The following DCK variants were observed in gnomAD, a reference collection of about 807,000 sequenced individuals.
The protein encoded by DCK is deoxyadenosine kinase.
In DCK, 23 loss-of-function variants were observed where a neutral mutation model predicts 38.3. That is an observed-to-expected ratio of 0.60 (90% CI 0.43 to 0.85). The LOEUF is 0.85. DCK is among the 40% of genes least tolerant of loss of function. The pLI is 0.00. For missense variants in DCK, 259 were observed against 304.4 expected (o/e 0.85, Z 1.11); for synonymous variants, 108 against 100.6 (o/e 1.07, Z -0.44).
intron 1 of DCK, 23 bp from the exon 2 acceptor site, chr4:70,998,044 A>T (rs780459022): frequency 7.7e-7 from 1 of 1,295,194 alleles, no homozygotes; most frequent in Non-Finnish European, 1.1e-6. Context: ...TTTCTTCCTC[A>T]ATTTTATCTT....
chr4:71,015,776 T>C (rs1244360621), intron 2 of DCK, among the ~76,000 whole-genome samples: 6 of 152,210 alleles, frequency 3.9e-5, no homozygotes, highest in Non-Finnish European at 7.3e-5. Flanking sequence ...ATTGGTGGGA[T>C]GTATCTCAAA....
chr4:71,018,129 T>TTC (rs1553943362), intron 2 of DCK, among the ~76,000 whole-genome samples: 1 of 146,678 alleles, frequency 6.8e-6, no homozygotes, highest in African/African-American at 2.5e-5. Context: ...ATTATTTCTT[T>TTC]TTTTTTTTTT....
chr4:71,000,498 A>T (rs976180637), intron 2 of DCK, among the ~76,000 whole-genome samples: 1 of 152,194 alleles, frequency 6.6e-6, no homozygotes, highest in African/African-American at 2.4e-5. Flanking sequence ...TGTCTTGGCT[A>T]TACGGGCTCT....
At chr4:71,012,017 T>C (rs1032908437) in intron 2 of DCK, among the ~76,000 whole-genome samples, 2 of 152,250 alleles carry the variant, frequency 1.3e-5, no homozygotes, top group Non-Finnish European at 2.9e-5. Flanking sequence ...AATACCTGTT[T>C]ACTGTTTGAA....
At chr4:70,997,274 T>C (rs1739680775) in intron 1 of DCK, among the ~76,000 whole-genome samples, 1 of 152,184 alleles carries the variant, frequency 6.6e-6, no homozygotes, top group South Asian at 2.1e-4. Context: ...GTTCTTTCTA[T>C]ATGCTTTCAC....
At chr4:71,012,677 A>T (rs1303497503) in intron 2 of DCK, among the ~76,000 whole-genome samples, 2 of 152,246 alleles carry the variant, frequency 1.3e-5, no homozygotes, top group African/African-American at 4.8e-5. Flanking sequence ...GACCTCCAGC[A>T]AACTCCAACA....
chr4:71,028,598 A>G (rs1311409637), intron 6 of DCK: 6 of 324,194 alleles, frequency 1.9e-5, no homozygotes, highest in African/African-American at 1.0e-4. Flanking sequence ...GTATTTAACA[A>G]TATTTCTTTT....
chr4:70,998,417 CA>C (rs546057456), intron 2 of DCK, among the ~76,000 whole-genome samples: 5 of 151,520 alleles, frequency 3.3e-5, no homozygotes, highest in South Asian at 2.1e-4. Context: ...AGAAATAATA[CA>C]AAAAAATACA....
chr4:71,026,517 G>C (rs1249623006), intron 5 of DCK, 148 bp from the exon 6 acceptor site: 3 of 609,368 alleles, frequency 4.9e-6, no homozygotes, highest in Non-Finnish European at 8.8e-6. Flanking sequence ...AGAAAGAAGG[G>C]GCTGCCAGAT....
At chr4:70,998,740 A>T (rs1478980723) in intron 2 of DCK, among the ~76,000 whole-genome samples, 2 of 152,110 alleles carry the variant, frequency 1.3e-5, no homozygotes, top group Admixed American at 1.3e-4. Context: ...CCTCGTTAAC[A>T]TGGTGAAATG....
At chr4:71,001,700 G>A (rs1343593791) in intron 2 of DCK, among the ~76,000 whole-genome samples, 1 of 152,010 alleles carries the variant, frequency 6.6e-6, no homozygotes, top group African/African-American at 2.4e-5. Context: ...AGTTCTTCCT[G>A]GTTTAATCTT....
chr4:71,004,955 C>G (rs1290047054), intron 2 of DCK, among the ~76,000 whole-genome samples: 1 of 149,508 alleles, frequency 6.7e-6, no homozygotes, highest in Non-Finnish European at 1.5e-5. Flanking sequence ...GCCCCCTTGG[C>G]TCCCTGGCTT....
At chr4:71,028,303 C>A (rs1740589235) in intron 6 of DCK, among the ~76,000 whole-genome samples, 1 of 152,138 alleles carries the variant, frequency 6.6e-6, no homozygotes, top group South Asian at 2.1e-4. Flanking sequence ...CTATATCTAT[C>A]TTAGATTGAT....
intron 5 of DCK, 27 bp downstream of exon 5, chr4:71,025,958 A>G (rs1740538510): frequency 6.4e-7 from 1 of 1,551,520 alleles, no homozygotes; most frequent in Non-Finnish European, 8.7e-7. Context: ...TTTACTATTC[A>G]TTTTAAATAC....
At position 71,029,358 on chromosome 4, in the gene DCK, G is replaced by A. The variant is rs1032248584; in HGVS notation, c.763G>A (p.Glu255Lys). The A allele has an allele frequency of 4.4e-6, 7 of 1,602,654 alleles. No individual in the cohort carries two copies. In the African/African-American group the frequency reaches 8.1e-5, roughly 18 times the overall value. The part of the protein sequence containing the change: ...KYESLVEKVK[E>K]FLSTL ...TTTTTCTTCCTTTCCTCAGGTCAAA[G>A]AGTTTTTGAGTACTTTGTGATCTTG... Residue 255 changes from glutamate (E) to lysine (K), a missense_variant, in exon 7 of 7, where the codon GAG becomes AAG. Coordinates refer to ENST00000286648, the MANE Select transcript of DCK (RefSeq NM_000788.3).
intron 2 of DCK, among the ~76,000 whole-genome samples, chr4:71,017,323 CT>C (rs1208402375): frequency 6.6e-6 from 1 of 152,170 alleles, no homozygotes; most frequent in African/African-American, 2.4e-5. Context: ...CACTTTTCCA[CT>C]GTTGGTGGGA....
intron 2 of DCK, among the ~76,000 whole-genome samples, chr4:71,020,275 T>C (rs1740380356): frequency 6.6e-6 from 1 of 152,236 alleles, no homozygotes; most frequent in South Asian, 2.1e-4. Context: ...GAGACAGGCT[T>C]GATTAGATTT....
Position 70,993,775 on chromosome 4 carries a change from C to G in DCK, c.-61C>G, listed in dbSNP as rs1739593704. On this transcript the variant is annotated 5_prime_UTR_variant, in exon 1 of 7. Coordinates refer to ENST00000286648, the MANE Select transcript of DCK (RefSeq NM_000788.3). ...GGCGCCGCGAGCTCCAGTGCGCGCA[C>G]CCGTGGCCGCCTCCCAGCCCTCTTT... 1 of 1,239,722 alleles carries G rather than the reference C, an allele frequency of 8.1e-7. No homozygotes were observed. The highest frequency in any genetic ancestry group is 1.9e-5 in the Admixed American group (1 of 51,766). 76.8% of individuals were successfully genotyped at this position (1,239,722 alleles called of 1,614,324 possible).
intron 2 of DCK, among the ~76,000 whole-genome samples, chr4:71,009,955 A>C (rs1415122684): frequency 1.3e-5 from 2 of 152,248 alleles, no homozygotes; most frequent in South Asian, 2.1e-4. Context: ...ATCACCCACT[A>C]TTCAAATGTC....
Sources: gnomAD v4.1 joint callset for allele counts (sites outside exome capture counted in the v4.1 genomes callset) on GRCh38, gnomAD v4.1.1 for gene constraint, MANE v1.5 for transcripts, NCBI Gene and HGNC (gene_info 2026-07-23, HGNC 2026-07-21) for gene names.